COL5A2: variants seen among roughly 807,000 people sequenced by gnomAD.
COL5A2 encodes the protein collagen alpha-2(V) chain.
COL5A2 carries 23 observed loss-of-function variants against 208.2 expected under a neutral mutation model. That is an observed-to-expected ratio of 0.11 (90% CI 0.08 to 0.16). The LOEUF (loss-of-function observed/expected upper bound fraction) is 0.16. Among genes scored for constraint, COL5A2 ranks in the 10% least tolerant of loss-of-function variants. The pLI is 1.00. For missense variants in COL5A2, 1,590 were observed against 1,956.4 expected, an observed-to-expected ratio of 0.81 and a Z score of 3.53; for synonymous variants, 625 against 628.5, an observed-to-expected ratio of 0.99 and a Z score of 0.08.
Position 189,066,474 on chromosome 2 carries a change from C to T in COL5A2, c.1479G>A (p.Pro493=), listed in dbSNP as rs752649242. The T allele has an allele frequency of 1.6e-5, 26 of 1,613,990 alleles. No individual in the cohort carries two copies. The highest frequency in any genetic ancestry group is 6.7e-5 in the African/African-American group (5 of 74,920). The change falls in exon 23 of 54, where the codon CCG becomes CCA. Residue 493 remains proline (P), a synonymous_variant. Transcript: ENST00000374866. Reference sequence around the variant, plus strand: ...TGCCTTCTTCACCGGGTGGGCCTATCGGACCCTGAATACCATGTGGCCCCT... The same window carrying T: ...TGCCTTCTTCACCGGGTGGGCCTATTGGACCCTGAATACCATGTGGCCCCT... ...GEPGPHGIQG[P]IGPPGEEGKR... is the part of the protein sequence containing the mutation.
intron 44 of COL5A2, 79 bp from the exon 45 acceptor site, chr2:189,048,341 G>T: frequency 7.5e-7 from 1 of 1,334,170 alleles, no homozygotes; most frequent in Admixed American, 1.7e-5. Flanking sequence ...AAAAATGACA[G>T]CATGTTTTAC....
intron 1 of COL5A2, among the ~76,000 whole-genome samples, chr2:189,177,317 G>A (rs969574030): frequency 3.3e-5 from 5 of 152,124 alleles, no homozygotes; most frequent in Non-Finnish European, 7.4e-5. Context: ...AAAATCAAAT[G>A]GAGTTTCTAA....
chr2:189,325,376 T>C, the COL5A2 span, among the ~76,000 whole-genome samples: 3 of 151,492 alleles, frequency 2.0e-5, no homozygotes, highest in Non-Finnish European at 4.4e-5. Flanking sequence ...GGTCACTTCA[T>C]CCTTTTTCCC....
chr2:189,237,846 A>G, the COL5A2 span, among the ~76,000 whole-genome samples: 1 of 151,928 alleles, frequency 6.6e-6, no homozygotes, highest in South Asian at 2.1e-4. Context: ...CATTTGATGA[A>G]CTTTGGATTT....
At chr2:189,171,956 G>C (rs1490520352) in intron 1 of COL5A2, among the ~76,000 whole-genome samples, 1 of 152,158 alleles carries the variant, frequency 6.6e-6, no homozygotes, top group African/African-American at 2.4e-5. Context: ...TCAGAGAGTA[G>C]CATTTTAGGA....
the COL5A2 span, among the ~76,000 whole-genome samples, chr2:189,397,887 G>GA: frequency 6.6e-6 from 1 of 151,652 alleles, no homozygotes; most frequent in Non-Finnish European, 1.5e-5. Flanking sequence ...TTATAAAGAT[G>GA]AATTGTTGAT....
At chr2:189,153,364 G>A (rs1444783322) in intron 1 of COL5A2, among the ~76,000 whole-genome samples, 1 of 152,094 alleles carries the variant, frequency 6.6e-6, no homozygotes, top group East Asian at 1.9e-4. Flanking sequence ...TTCTACAGAT[G>A]AAGAAACTGA....
chr2:189,180,396 C>T (rs1211773356), upstream of COL5A2, among the ~76,000 whole-genome samples: 1 of 152,140 alleles, frequency 6.6e-6, no homozygotes, highest in Non-Finnish European at 1.5e-5. Context: ...CCTAATTTCT[C>T]CACATCTCTT....
intron 1 of COL5A2, among the ~76,000 whole-genome samples, chr2:189,194,049 TA>T (rs1168713289): frequency 6.6e-6 from 1 of 152,216 alleles, no homozygotes; most frequent in Non-Finnish European, 1.5e-5. Flanking sequence ...GTTGTTATTT[TA>T]AATAAGTTAA....
the COL5A2 span, among the ~76,000 whole-genome samples, chr2:189,264,588 G>A: frequency 6.6e-6 from 1 of 152,070 alleles, no homozygotes; most frequent in African/African-American, 2.4e-5. Flanking sequence ...CAGAATGGTG[G>A]TTAACTCTAG....
intron 1 of COL5A2, among the ~76,000 whole-genome samples, chr2:189,168,483 T>C (rs928444744): frequency 6.6e-6 from 1 of 151,936 alleles, no homozygotes; most frequent in Non-Finnish European, 1.5e-5. Flanking sequence ...ATGAAAACCA[T>C]AGTGCCCTGA....
the COL5A2 span, among the ~76,000 whole-genome samples, chr2:189,300,113 A>G: frequency 6.6e-6 from 1 of 152,232 alleles, no homozygotes; most frequent in Non-Finnish European, 1.5e-5. Context: ...TGAGCCAAGC[A>G]GGGTCAAGAT....
At chr2:189,273,956 T>C in the COL5A2 span, among the ~76,000 whole-genome samples, 5 of 151,962 alleles carry the variant, frequency 3.3e-5, no homozygotes, top group Non-Finnish European at 7.4e-5. Flanking sequence ...AGTTATTAGC[T>C]ACGTATTGTA....
the COL5A2 span, among the ~76,000 whole-genome samples, chr2:189,269,074 T>C: frequency 1.3e-5 from 2 of 152,166 alleles, no homozygotes; most frequent in Non-Finnish European, 2.9e-5. Context: ...CCATTTTCAA[T>C]GCCAGGAAAT....
intron 49 of COL5A2, among the ~76,000 whole-genome samples, chr2:189,042,253 G>A (rs1290745588): frequency 6.6e-6 from 1 of 152,004 alleles, no homozygotes; most frequent in Non-Finnish European, 1.5e-5. Flanking sequence ...AATACTAATG[G>A]AGAATTTCTA....
the COL5A2 span, among the ~76,000 whole-genome samples, chr2:189,401,395 T>C: frequency 6.6e-6 from 1 of 152,252 alleles, no homozygotes; most frequent in African/African-American, 2.4e-5. Context: ...TAACATGATC[T>C]CATTCCTTTT....
At chr2:189,422,026 C>A in the COL5A2 span, among the ~76,000 whole-genome samples, 1 of 152,266 alleles carries the variant, frequency 6.6e-6, no homozygotes, top group African/African-American at 2.4e-5. Context: ...GACAGGCTTA[C>A]TATTGGAAGG....
At chr2:189,186,932 T>G (rs1159106844) in intron 1 of COL5A2, among the ~76,000 whole-genome samples, 5 of 152,234 alleles carry the variant, frequency 3.3e-5, no homozygotes, top group Non-Finnish European at 7.3e-5. Context: ...ATTCTAACAT[T>G]CTTATGATAT....
chr2:189,124,894 A>G (rs1687578655), intron 1 of COL5A2, among the ~76,000 whole-genome samples: 1 of 152,154 alleles, frequency 6.6e-6, no homozygotes, highest in African/African-American at 2.4e-5. Flanking sequence ...AAATAATGAA[A>G]TAAATGTAAT....
Sources: allele counts gnomAD v4.1 joint callset (sites outside exome capture counted in the v4.1 genomes callset), GRCh38; gene constraint gnomAD v4.1.1; transcripts MANE v1.5; gene names NCBI Gene and HGNC (gene_info 2026-07-23, HGNC 2026-07-21).